Variants in LHCGR observed in about 807,000 individuals in gnomAD.
LHCGR encodes lutropin-choriogonadotropic hormone receptor.
LHCGR carries 55 observed loss-of-function variants against 60.7 expected under a neutral mutation model. The observed-to-expected ratio is 0.91, with a 90% confidence interval of 0.73 to 1.13. The LOEUF is 1.13. LHCGR is among the 50% of genes most tolerant of loss of function. The probability of loss-of-function intolerance (pLI) is 0.00; values close to 1 mark genes in which losing one functional copy is unlikely to be tolerated. For synonymous variants in LHCGR, 337 were observed against 316.5 expected, an observed-to-expected ratio of 1.06 and a Z score of -0.69; for missense variants, 862 against 836.0, an observed-to-expected ratio of 1.03 and a Z score of -0.38.
chr2:48,727,493 T>TTC (rs1668787921), intron 3 of LHCGR, among the ~76,000 whole-genome samples: 1 of 152,312 alleles, frequency 6.6e-6, no homozygotes, highest in South Asian at 2.1e-4. Context: ...TTATGTTTCT[T>TTC]TCTGTTGATG....
intron 1 of LHCGR, among the ~76,000 whole-genome samples, chr2:48,733,403 G>A (rs547099202): frequency 6.6e-6 from 1 of 152,280 alleles, no homozygotes; most frequent in South Asian, 2.1e-4. Context: ...GAGGGATGAG[G>A]AGCAAAGGTC....
At chr2:48,740,805 G>A (rs1034858716) in intron 1 of LHCGR, among the ~76,000 whole-genome samples, 21 of 152,228 alleles carry the variant, frequency 1.4e-4, no homozygotes, top group Non-Finnish European at 2.2e-4. Flanking sequence ...CCAAAGGAAC[G>A]CAGTTTCTCA....
chr2:48,710,643 T>C (rs1433736530), intron 7 of LHCGR, among the ~76,000 whole-genome samples: 3 of 152,116 alleles, frequency 2.0e-5, no homozygotes, highest in Non-Finnish European at 4.4e-5. Flanking sequence ...ACCCACAAGC[T>C]CCGCCAAAGT....
intron 7 of LHCGR, among the ~76,000 whole-genome samples, chr2:48,710,919 G>A (rs980558420): frequency 6.6e-6 from 1 of 152,126 alleles, no homozygotes; most frequent in Non-Finnish European, 1.5e-5. Context: ...ACTCTTTAAT[G>A]GGTGACCTTG....
At chr2:48,700,939 G>A (rs1409396468) in intron 8 of LHCGR, among the ~76,000 whole-genome samples, 3 of 152,262 alleles carry the variant, frequency 2.0e-5, no homozygotes, top group South Asian at 2.1e-4. Flanking sequence ...GTCAGAAGTC[G>A]ATAGTGGCAG....
intron 6 of LHCGR, among the ~76,000 whole-genome samples, chr2:48,722,902 T>C (rs62135397): frequency 0.13 from 20,152 of 152,146 alleles, 1,729 homozygotes; most frequent in South Asian, 0.27. Context: ...CCTGGTAACC[T>C]GACGAGTAAC....
At chr2:48,709,418 C>T (rs923863847) in intron 7 of LHCGR, among the ~76,000 whole-genome samples, 9 of 152,160 alleles carry the variant, frequency 5.9e-5, no homozygotes, top group African/African-American at 1.4e-4. Flanking sequence ...GTCATTGTGA[C>T]CGTGGAGGTC....
intron 1 of LHCGR, among the ~76,000 whole-genome samples, chr2:48,733,870 T>C (rs1203618507): frequency 6.6e-6 from 1 of 152,202 alleles, no homozygotes; most frequent in Non-Finnish European, 1.5e-5. Flanking sequence ...ATAAAGTTTA[T>C]GATTTGTTGA....
At chr2:48,703,489 T>A (rs894712841) in intron 8 of LHCGR, among the ~76,000 whole-genome samples, 1 of 152,224 alleles carries the variant, frequency 6.6e-6, no homozygotes, top group Admixed American at 6.5e-5. Context: ...GCTTTCTGCA[T>A]ATGGCTAGCG....
chr2:48,718,639 A>G (rs1338683647), intron 6 of LHCGR, among the ~76,000 whole-genome samples: 3 of 152,256 alleles, frequency 2.0e-5, no homozygotes, highest in East Asian at 3.8e-4. Flanking sequence ...CTATACAAAC[A>G]GAATTCTAAA....
intron 10 of LHCGR, among the ~76,000 whole-genome samples, chr2:48,690,214 A>G (rs1680158846): frequency 6.6e-6 from 1 of 152,142 alleles, no homozygotes; most frequent in African/African-American, 2.4e-5. Context: ...CATTGTGATG[A>G]CTTCCAAGGC....
At chr2:48,710,638 C>G (rs115480260) in intron 7 of LHCGR, among the ~76,000 whole-genome samples, 2,591 of 152,276 alleles carry the variant, frequency 0.017, 63 homozygotes, top group African/African-American at 0.051. Context: ...GAAGAACCCA[C>G]AAGCTCCGCC....
At chr2:48,704,480 G>C (rs1473037253) in intron 8 of LHCGR, among the ~76,000 whole-genome samples, 1 of 152,156 alleles carries the variant, frequency 6.6e-6, no homozygotes, top group Non-Finnish European at 1.5e-5. Context: ...GCTCCTCTTT[G>C]TACCTCTGGT....
chr2:48,705,145 G>T (rs1667602038), intron 8 of LHCGR, among the ~76,000 whole-genome samples: 1 of 152,062 alleles, frequency 6.6e-6, no homozygotes, highest in Middle Eastern at 3.2e-3. Flanking sequence ...ATTTCGTTAT[G>T]TACCCAGTAG....
At chr2:48,728,149 A>G (rs1000296179) in intron 3 of LHCGR, among the ~76,000 whole-genome samples, 1 of 152,024 alleles carries the variant, frequency 6.6e-6, no homozygotes, top group Admixed American at 6.6e-5. Flanking sequence ...TGTGTGACCC[A>G]AGACAATTCT....
rs1388958749 is a variant in LHCGR at position 48,755,682 on chromosome 2, C to T, written c.-11G>A. On this transcript the variant is annotated 5_prime_UTR_variant, in exon 1 of 11. Coordinates refer to ENST00000294954, the MANE Select transcript of LHCGR (RefSeq NM_000233.4). ...GAACCGCTGCTTCATGGCCGGCGAA[C>T]TGGGCTTCTGCGGCTTGCCAGTGTC... 1.2e-5 allele frequency: 19 copies of T among 1,534,562 alleles called. No individual in the cohort carries two copies. Among genetic ancestry groups the T allele is most frequent in the Non-Finnish European group, 1.4e-5 (16 of 1,146,386 alleles).
At chr2:48,734,863 C>T (rs981404795) in intron 1 of LHCGR, among the ~76,000 whole-genome samples, 4 of 152,284 alleles carry the variant, frequency 2.6e-5, no homozygotes, top group Non-Finnish European at 5.9e-5. Context: ...CAACTATGCA[C>T]CTCAGATGGG....
chr2:48,716,379 T>C (rs1668251458), intron 6 of LHCGR, among the ~76,000 whole-genome samples: 1 of 152,220 alleles, frequency 6.6e-6, no homozygotes, highest in South Asian at 2.1e-4. Context: ...AATGTATATT[T>C]ACTGTAATAC....
chr2:48,742,194 A>G (rs934158797), intron 1 of LHCGR, among the ~76,000 whole-genome samples: 1 of 152,056 alleles, frequency 6.6e-6, no homozygotes, highest in Non-Finnish European at 1.5e-5. Context: ...TCATAAAGCA[A>G]GTCCTGAGTG....
Sources: allele counts gnomAD v4.1 joint callset (sites outside exome capture counted in the v4.1 genomes callset), GRCh38; gene constraint gnomAD v4.1.1; transcripts MANE v1.5; gene names NCBI Gene and HGNC (gene_info 2026-07-23, HGNC 2026-07-21).